Variants in FNDC3A observed in about 807,000 individuals in gnomAD.
FNDC3A encodes fibronectin type III domain containing 3A.
In FNDC3A, 32 loss-of-function variants were observed where a neutral mutation model predicts 148.9. The observed-to-expected ratio is 0.21, with a 90% confidence interval of 0.16 to 0.29. The LOEUF (loss-of-function observed/expected upper bound fraction) is 0.29. FNDC3A is among the 10% of genes least tolerant of loss of function. The probability of loss-of-function intolerance (pLI) is 1.00; values close to 1 mark genes in which losing one functional copy is unlikely to be tolerated. For synonymous variants in FNDC3A, 472 were observed against 473.6 expected (o/e 1.00, Z 0.04); for missense variants, 1,191 against 1,452.8 (o/e 0.82, Z 2.93).
chr13:49,196,769 A>C, intron 19 of FNDC3A, 108 bp from the exon 20 acceptor site: 1 of 524,040 alleles, frequency 1.9e-6, no homozygotes, highest in East Asian at 3.1e-5. Context: ...TTAATCTTGA[A>C]ACACAGGGAA....
chr13:49,188,049 G>C (rs1236859435), intron 16 of FNDC3A, among the ~76,000 whole-genome samples: 1 of 152,128 alleles, frequency 6.6e-6, no homozygotes, highest in Non-Finnish European at 1.5e-5. Context: ...ACTAGTTTTA[G>C]TAGTAAGTTT....
intron 3 of FNDC3A, among the ~76,000 whole-genome samples, chr13:49,077,055 A>G (rs1278569055): frequency 6.6e-6 from 1 of 152,002 alleles, no homozygotes; most frequent in African/African-American, 2.4e-5. Flanking sequence ...AGGCAGGAGG[A>G]CCTCTTGAGG....
chr13:49,123,600 A>G (rs146869912), intron 4 of FNDC3A, among the ~76,000 whole-genome samples: 3,343 of 152,144 alleles, frequency 0.022, 132 homozygotes, highest in African/African-American at 0.076. Context: ...CAATCTATCC[A>G]TCTGACAAAG....
rs866366736 is a variant in FNDC3A, at chr13:49,016,354, G to T, written c.99+10065G>T. 1.0e-3 allele frequency among the ~76,000 whole-genome samples: 154 copies of T among 151,924 alleles called. 1 individual carries two copies. The highest frequency in any genetic ancestry group is 3.5e-3 in the African/African-American group (144 of 41,450). ...TGGGAGAGTGTATGTGTCGAGGAAT[G>T]TATCCATTTCTTCTAGATTTTCTAG... is the stretch of plus-strand genomic sequence containing the variant. On this transcript the variant is annotated intron_variant, in intron 2 of 25. Coordinates refer to ENST00000492622, the MANE Select transcript of FNDC3A (RefSeq NM_001079673.2).
chr13:49,029,302 G>A (rs959349913), intron 2 of FNDC3A, among the ~76,000 whole-genome samples: 1 of 152,178 alleles, frequency 6.6e-6, no homozygotes, highest in African/African-American at 2.4e-5. Flanking sequence ...ATAAATTAAA[G>A]AGTATATTTC....
chr13:49,109,305 CAAT>C (rs1880397979), intron 3 of FNDC3A, among the ~76,000 whole-genome samples: 1 of 152,196 alleles, frequency 6.6e-6, no homozygotes, highest in African/African-American at 2.4e-5. Context: ...ATTCTCACAA[CAAT>C]GCTATGATGT....
At chr13:49,194,102 A>T (rs750087222) in intron 19 of FNDC3A, among the ~76,000 whole-genome samples, 3 of 152,030 alleles carry the variant, frequency 2.0e-5, no homozygotes, top group Non-Finnish European at 4.4e-5. Context: ...ATCTACTAAA[A>T]ATACAAAAAT....
In FNDC3A at chr13:49,138,763, T is replaced by C. The variant is rs760134663; in HGVS notation, c.777T>C (p.Thr259=). The change falls in exon 7 of 26, where the codon ACT becomes ACC. Residue 259 remains threonine (T), a synonymous_variant. Coordinates refer to ENST00000492622, the MANE Select transcript of FNDC3A (RefSeq NM_001079673.2). ...DTEIEEKDEE[T]KAFEALLSNI... The stretch of plus-strand genomic sequence containing the variant: ...TTTTTTAAGAAAAAGATGAAGAAAC[T>C]AAAGCATTTGAAGCACTTCTTTCCA... 3.9e-5 allele frequency: 58 copies of C among 1,494,096 alleles called. No homozygotes were observed. Among genetic ancestry groups the C allele is most frequent in the Non-Finnish European group, 4.2e-5 (46 of 1,092,746 alleles). The allele number at this position is 1,494,096 out of a possible 1,614,324, so 92.6% of individuals were successfully genotyped here.
At chr13:49,129,068 G>A (rs887817833) in intron 4 of FNDC3A, among the ~76,000 whole-genome samples, 6 of 152,254 alleles carry the variant, frequency 3.9e-5, no homozygotes, top group African/African-American at 1.4e-4. Context: ...GCCCCTGTTA[G>A]TGTGGGTTCC....
At chr13:49,031,192 G>C (rs750911347) in intron 2 of FNDC3A, among the ~76,000 whole-genome samples, 1 of 152,250 alleles carries the variant, frequency 6.6e-6, no homozygotes, top group Non-Finnish European at 1.5e-5. Context: ...TTTGAGACCA[G>C]CCTGGCCAAG....
chr13:49,175,632 A>G (rs979399212), intron 13 of FNDC3A, 91 bp downstream of exon 13: 1 of 759,016 alleles, frequency 1.3e-6, no homozygotes, highest in Non-Finnish European at 2.1e-6. Context: ...TTCTAAATAT[A>G]CAATCATGTC....
At chr13:49,184,793 G>A (rs775318417) in intron 14 of FNDC3A, among the ~76,000 whole-genome samples, 8 of 152,128 alleles carry the variant, frequency 5.3e-5, no homozygotes, top group South Asian at 2.1e-4. Context: ...CCCCCTGTGC[G>A]GTCCCAATGG....
chr13:49,005,055 TTAAA>T (rs1459257043), intron 1 of FNDC3A, among the ~76,000 whole-genome samples: 7 of 151,762 alleles, frequency 4.6e-5, no homozygotes, highest in African/African-American at 1.7e-4. Flanking sequence ...CATGAGATAA[TTAAA>T]TAATATAAAA....
At chr13:49,040,046 T>C (rs1244437936) in intron 2 of FNDC3A, among the ~76,000 whole-genome samples, 2 of 152,216 alleles carry the variant, frequency 1.3e-5, no homozygotes, top group African/African-American at 4.8e-5. Context: ...TTTGTGTACA[T>C]ATTTTCATAT....
At chr13:49,152,968 G>A (rs958863003) in intron 8 of FNDC3A, among the ~76,000 whole-genome samples, 9 of 149,622 alleles carry the variant, frequency 6.0e-5, no homozygotes, top group Non-Finnish European at 9.0e-5. Context: ...GAATAATGCC[G>A]CAGTAAACAT....
intron 2 of FNDC3A, among the ~76,000 whole-genome samples, chr13:49,034,775 C>T (rs986506248): frequency 2.0e-5 from 3 of 151,908 alleles, no homozygotes; most frequent in African/African-American, 7.2e-5. Flanking sequence ...GGAAGCATTA[C>T]ATGTTAAGGG....
intron 2 of FNDC3A, among the ~76,000 whole-genome samples, chr13:49,047,223 T>A (rs1875486193): frequency 6.6e-6 from 1 of 152,108 alleles, no homozygotes; most frequent in African/African-American, 2.4e-5. Context: ...CATTGATTGA[T>A]GGACATTTGG....
chr13:49,046,616 A>T (rs1472972236), intron 2 of FNDC3A: 1 of 162,344 alleles, frequency 6.2e-6, no homozygotes, highest in African/African-American at 2.4e-5. Context: ...TATTCTTTTA[A>T]ATTTTTTAGA....
At chr13:49,023,184 G>A (rs538665506) in intron 2 of FNDC3A, among the ~76,000 whole-genome samples, 1 of 152,076 alleles carries the variant, frequency 6.6e-6, no homozygotes, top group South Asian at 2.1e-4. Context: ...TACAAAGAAT[G>A]CAGACTGGAA....
Sources: gnomAD v4.1 joint callset for allele counts (sites outside exome capture counted in the v4.1 genomes callset) on GRCh38, gnomAD v4.1.1 for gene constraint, MANE v1.5 for transcripts, NCBI Gene and HGNC (gene_info 2026-07-23, HGNC 2026-07-21) for gene names.